VPS13B: variants seen among roughly 807,000 people sequenced by gnomAD.
The protein encoded by VPS13B is vacuolar protein sorting 13 homolog B, also known as intermembrane lipid transfer protein VPS13B.
In VPS13B, 285 loss-of-function variants were observed where a neutral mutation model predicts 426.4. The ratio of observed to expected loss-of-function variants is 0.67; its 90% CI spans 0.61 to 0.74. The LOEUF (loss-of-function observed/expected upper bound fraction) is 0.74. Among genes scored for constraint, VPS13B ranks in the 30% least tolerant of loss-of-function variants. The pLI is 0.00. For synonymous variants in VPS13B, 1,676 were observed against 1,676.4 expected (o/e 1.00, Z 0.01); for missense variants, 4,537 against 4,782.6 (o/e 0.95, Z 1.51).
chr8:99,470,953 G>A (rs1350181504), intron 24 of VPS13B, among the ~76,000 whole-genome samples: 1 of 152,070 alleles, frequency 6.6e-6, no homozygotes, highest in Non-Finnish European at 1.5e-5. Context: ...ATAATGATTT[G>A]AATTAGAGTA....
intron 17 of VPS13B, among the ~76,000 whole-genome samples, chr8:99,219,454 G>A (rs1815571685): frequency 6.6e-6 from 1 of 152,234 alleles, no homozygotes; most frequent in Admixed American, 6.5e-5. Flanking sequence ...CCCAAGGGAT[G>A]TGTCTTGCTA....
At chr8:99,857,711 C>G (rs1205040979) in intron 56 of VPS13B, among the ~76,000 whole-genome samples, 3 of 152,212 alleles carry the variant, frequency 2.0e-5, no homozygotes, top group Non-Finnish European at 2.9e-5. Context: ...TTGCATTCAC[C>G]TCTGCCTCCT....
Position 99,574,692 on chromosome 8 carries a change from G to A in VPS13B, c.4950-966G>A, listed in dbSNP as rs377522765. ...TACATAAAGAAGAACTAAAATAGAG[G>A]CCAAAAGCTGTTTTGGTGTCAACTT... On this transcript the variant is annotated intron_variant, in intron 31 of 61. Coordinates refer to ENST00000357162, the MANE Select transcript of VPS13B (RefSeq NM_152564.5). Among the ~76,000 whole-genome samples, 9 of 152,248 alleles carry A rather than the reference G, an allele frequency of 5.9e-5. No individual in the cohort carries two copies. The South Asian group carries it at 1.9e-3, about 32-fold the overall frequency.
chr8:99,375,880 A>G (rs1274365088), intron 19 of VPS13B, among the ~76,000 whole-genome samples: 1 of 152,220 alleles, frequency 6.6e-6, no homozygotes, highest in Non-Finnish European at 1.5e-5. Context: ...TTTAAGAAAA[A>G]ACACAGGATA....
intron 15 of VPS13B, among the ~76,000 whole-genome samples, chr8:99,161,405 C>T (rs1811641770): frequency 6.6e-6 from 1 of 152,106 alleles, no homozygotes; most frequent in Non-Finnish European, 1.5e-5. Context: ...GGATGTTCAC[C>T]AAAACCATTG....
chr8:99,858,215 T>A (rs763650334), intron 56 of VPS13B, among the ~76,000 whole-genome samples: 1 of 152,210 alleles, frequency 6.6e-6, no homozygotes, highest in Non-Finnish European at 1.5e-5. Context: ...CTTTTCAGAC[T>A]CCTCCTCTCC....
chr8:99,275,389 T>G, intron 19 of VPS13B, 135 bp downstream of exon 19: 1 of 785,702 alleles, frequency 1.3e-6, no homozygotes, highest in Non-Finnish European at 1.9e-6. Flanking sequence ...GTTGTGCTTT[T>G]TCAAAATTCA....
intron 19 of VPS13B, chr8:99,340,911 G>A (rs1811207103): frequency 3.4e-6 from 1 of 298,462 alleles, no homozygotes; most frequent in South Asian, 4.4e-5. Context: ...GGACTGTGGT[G>A]TGGATGGATT....
intron 19 of VPS13B, among the ~76,000 whole-genome samples, chr8:99,383,643 G>A (rs1439747684): frequency 6.6e-6 from 1 of 152,052 alleles, no homozygotes; most frequent in Non-Finnish European, 1.5e-5. Flanking sequence ...ACAGGCCCTG[G>A]TAACCACAAA....
intron 30 of VPS13B, among the ~76,000 whole-genome samples, chr8:99,534,547 C>T (rs968659088): frequency 6.6e-6 from 1 of 152,100 alleles, no homozygotes; most frequent in Admixed American, 6.6e-5. Context: ...TAATATCTTA[C>T]TATAACCATT....
At chr8:99,816,106 CTCTT>C (rs1468149783) in intron 44 of VPS13B, among the ~76,000 whole-genome samples, 14 of 147,372 alleles carry the variant, frequency 9.5e-5, no homozygotes, top group Non-Finnish European at 1.5e-4. Context: ...CTCTCTCTCT[CTCTT>C]TTTTTTTTTT....
intron 32 of VPS13B, among the ~76,000 whole-genome samples, chr8:99,576,720 G>C (rs887785892): frequency 6.6e-6 from 1 of 152,090 alleles, no homozygotes; most frequent in Non-Finnish European, 1.5e-5. Flanking sequence ...TGAAACTATT[G>C]TATTGGTTTT....
chr8:99,246,828 C>T lies in VPS13B; in HGVS notation c.2516-27370C>T, dbSNP rs575600860. On this transcript the variant is annotated intron_variant, in intron 17 of 61. Coordinates refer to ENST00000357162, the MANE Select transcript of VPS13B (RefSeq NM_152564.5). ...TCTCACCACTGCACTCCAGCCTGGG[C>T]GACAGAGCAAGACTCTGTCTCAAAA... 5.6e-5 allele frequency among the ~76,000 whole-genome samples: 8 copies of T among 142,710 alleles called. No individual in the cohort carries two copies. The South Asian group carries it at 1.2e-3, about 21-fold the overall frequency. The allele number at this position is 142,710 out of a possible 152,430, so 93.6% of individuals were successfully genotyped here.
chr8:99,657,804 C>T (rs374196977), intron 34 of VPS13B, among the ~76,000 whole-genome samples: 6 of 152,090 alleles, frequency 3.9e-5, no homozygotes, highest in South Asian at 2.1e-4. Flanking sequence ...GTACTAAAGA[C>T]GGCCTTCCTG....
Position 99,590,094 on chromosome 8 carries a change from A to ATT in VPS13B, c.5220+12463_5220+12464dup, listed in dbSNP as rs1421899154. Among the ~76,000 whole-genome samples, 68 of 152,026 alleles carry ATT rather than the reference A, an allele frequency of 4.5e-4. 1 individual carries two copies. Among genetic ancestry groups the ATT allele is most frequent in the African/African-American group, 1.5e-3 (64 of 41,456 alleles). ...AGTGTATAAGTCCAGGAATTTATCC[A>ATT]TTTCTTCTAGATCTCCTAGTTCATT... On this transcript the variant is annotated intron_variant, in intron 33 of 61. Transcript: ENST00000357162.
In VPS13B at chr8:99,013,751, T is replaced by C. The variant is rs1841444920; in HGVS notation, c.-29-9T>C. 1 of 1,613,434 alleles carries C rather than the reference T, an allele frequency of 6.2e-7. No homozygotes were observed. Among genetic ancestry groups the C allele is most frequent in the Non-Finnish European group, 8.5e-7 (1 of 1,179,700 alleles). On this transcript the variant is annotated splice_polypyrimidine_tract_variant and intron_variant, in intron 1 of 61. Transcript: ENST00000357162. ...GCCGACTTCTAACGTTTCTGTCTAC[T>C]CCTTTCAGCTTCCGACTTCGACTCC... is the stretch of plus-strand genomic sequence containing the variant.
intron 39 of VPS13B, among the ~76,000 whole-genome samples, chr8:99,756,326 A>G (rs1810641924): frequency 6.6e-6 from 1 of 152,188 alleles, no homozygotes; most frequent in Non-Finnish European, 1.5e-5. Flanking sequence ...AAAATTTTAA[A>G]AAATGAAGAA....
At chr8:99,533,705 A>G (rs1431988906) in intron 30 of VPS13B, among the ~76,000 whole-genome samples, 1 of 152,204 alleles carries the variant, frequency 6.6e-6, no homozygotes, top group Non-Finnish European at 1.5e-5. Context: ...TTATTTTAAA[A>G]TAGGAAAACC....
intron 16 of VPS13B, among the ~76,000 whole-genome samples, chr8:99,184,898 C>T (rs761518474): frequency 6.6e-6 from 1 of 152,042 alleles, no homozygotes; most frequent in Admixed American, 6.6e-5. Flanking sequence ...GGCTGAGGCA[C>T]GAGAGTCTCT....
Sources: allele counts gnomAD v4.1 joint callset (sites outside exome capture counted in the v4.1 genomes callset), GRCh38; gene constraint gnomAD v4.1.1; transcripts MANE v1.5; gene names NCBI Gene and HGNC (gene_info 2026-07-23, HGNC 2026-07-21).